PDZRN4: variants seen among roughly 807,000 people sequenced by gnomAD.
The protein encoded by PDZRN4 is PDZ domain containing ring finger 4, also known as PDZ domain-containing RING finger protein 4.
Under a neutral mutation model 99.0 loss-of-function variants are expected in PDZRN4, and 70 were observed. The observed-to-expected ratio is 0.71, with a 90% confidence interval of 0.58 to 0.86. PDZRN4 has a LOEUF of 0.86. Among genes scored for constraint, PDZRN4 ranks in the 40% least tolerant of loss-of-function variants. PDZRN4 has a pLI of 0.00. For missense variants in PDZRN4, 1,474 were observed against 1,331.2 expected (o/e 1.11, Z -1.67); for synonymous variants, 551 against 501.6 (o/e 1.10, Z -1.32).
intron 3 of PDZRN4, among the ~76,000 whole-genome samples, chr12:41,455,043 G>T (rs913093228): frequency 2.0e-5 from 3 of 152,128 alleles, no homozygotes; most frequent in Non-Finnish European, 2.9e-5. Flanking sequence ...ACAGTGCAGG[G>T]TCTAGAAATT....
At chr12:41,289,545 G>A (rs1951443246) in intron 3 of PDZRN4, among the ~76,000 whole-genome samples, 1 of 152,172 alleles carries the variant, frequency 6.6e-6, no homozygotes, top group South Asian at 2.1e-4. Flanking sequence ...CATGAAGATG[G>A]TCAATTTCTA....
At chr12:41,547,443 T>C (rs1372524912) in intron 5 of PDZRN4, among the ~76,000 whole-genome samples, 1 of 152,010 alleles carries the variant, frequency 6.6e-6, no homozygotes, top group Admixed American at 6.5e-5. Context: ...CTGGCCAACA[T>C]GGTGAAACCC....
intron 4 of PDZRN4, among the ~76,000 whole-genome samples, chr12:41,507,661 A>G (rs879257482): frequency 6.6e-5 from 10 of 152,152 alleles, no homozygotes; most frequent in African/African-American, 1.4e-4. Flanking sequence ...GAGAATTCTT[A>G]GAGTAAGGCT....
rs920051697 is a variant in PDZRN4 at position 41,573,990 on chromosome 12, G to T, written c.*100G>T. 7.3e-6 allele frequency: 6 copies of T among 817,812 alleles called. No individual in the cohort carries two copies. The highest frequency in any genetic ancestry group is 3.4e-5 in the African/African-American group (2 of 58,662). 50.7% of individuals were successfully genotyped at this position (817,812 alleles called of 1,614,324 possible). A position where few individuals can be genotyped will look rare whatever the true frequency, so the allele number is the denominator to read the frequency against. ...AATGTGGCGTTTTTATATATATTTT[G>T]TGACTCTTTATAGTTTAAATTTTTT... On this transcript the variant is annotated 3_prime_UTR_variant, in exon 10 of 10. Transcript: ENST00000402685.
At chr12:41,452,909 G>A (rs2608702) in intron 3 of PDZRN4, among the ~76,000 whole-genome samples, 81,169 of 151,932 alleles carry the variant, frequency 0.53, 22,398 homozygotes, top group African/African-American at 0.69. Flanking sequence ...AGAGATTTGC[G>A]TGTGAGAAGC....
intron 3 of PDZRN4, among the ~76,000 whole-genome samples, chr12:41,253,340 T>A (rs1951183572): frequency 6.6e-6 from 1 of 152,256 alleles, no homozygotes. Flanking sequence ...TGATTTGATT[T>A]TTATGAATGG....
At chr12:41,360,915 T>C (rs151052690) in intron 3 of PDZRN4, among the ~76,000 whole-genome samples, 109 of 151,322 alleles carry the variant, frequency 7.2e-4, no homozygotes, top group African/African-American at 2.4e-3. Context: ...AAAAAACCTA[T>C]TTATCATTCC....
intron 3 of PDZRN4, among the ~76,000 whole-genome samples, chr12:41,486,855 G>A (rs1327037988): frequency 6.6e-6 from 1 of 151,990 alleles, no homozygotes; most frequent in Non-Finnish European, 1.5e-5. Flanking sequence ...TCCTCCCTGG[G>A]GTACACAAAT....
intron 3 of PDZRN4, among the ~76,000 whole-genome samples, chr12:41,313,787 A>G (rs180922135): frequency 6.6e-6 from 1 of 152,314 alleles, no homozygotes; most frequent in African/African-American, 2.4e-5. Flanking sequence ...TTTTATTGCC[A>G]GGTACAAAGT....
rs75827239 is a variant in PDZRN4, at chr12:41,437,167, T to A, written c.844-69289T>A. 9.0e-3 allele frequency among the ~76,000 whole-genome samples: 1,372 copies of A among 152,304 alleles called. 26 individuals are homozygous for A. The highest frequency in any genetic ancestry group is 0.031 in the African/African-American group (1,309 of 41,560). On this transcript the variant is annotated intron_variant, in intron 3 of 9. Transcript: ENST00000402685. ...CTTAGTAAGTAATGGTCTTTACATA[T>A]GAACTATTCAGTTATTTTTGTAGTA...
intron 3 of PDZRN4, among the ~76,000 whole-genome samples, chr12:41,246,628 A>G (rs1473362878): frequency 2.0e-5 from 3 of 152,156 alleles, no homozygotes; most frequent in African/African-American, 7.2e-5. Context: ...GGTGAGATCA[A>G]CTGCAGGGGC....
intron 3 of PDZRN4, among the ~76,000 whole-genome samples, chr12:41,291,136 C>T (rs746421014): frequency 4.9e-4 from 75 of 151,960 alleles, no homozygotes; most frequent in Non-Finnish European, 9.6e-4. Flanking sequence ...ATTATATGTA[C>T]TTTTTGCACA....
At chr12:41,341,985 C>T (rs773653252) in intron 3 of PDZRN4, among the ~76,000 whole-genome samples, 12 of 151,888 alleles carry the variant, frequency 7.9e-5, no homozygotes, top group Non-Finnish European at 1.5e-4. Flanking sequence ...CAGCATGGTA[C>T]TGTCATAAAA....
intron 5 of PDZRN4, among the ~76,000 whole-genome samples, chr12:41,521,718 AT>A (rs1322147486): frequency 6.6e-6 from 1 of 151,984 alleles, no homozygotes; most frequent in African/African-American, 2.4e-5. Context: ...TTAAGAAATG[AT>A]TTTTTTATTA....
At chr12:41,489,158 CTT>C (rs1203855117) in intron 3 of PDZRN4, among the ~76,000 whole-genome samples, 1 of 152,128 alleles carries the variant, frequency 6.6e-6, no homozygotes, top group East Asian at 1.9e-4. Flanking sequence ...GACAATTCTT[CTT>C]CTCCCAATGT....
chr12:41,287,069 T>C (rs1256468675), intron 3 of PDZRN4, among the ~76,000 whole-genome samples: 1 of 152,172 alleles, frequency 6.6e-6, no homozygotes, highest in East Asian at 1.9e-4. Flanking sequence ...GCAACATCTT[T>C]TGATGTAGTG....
At chr12:41,268,155 T>C (rs961190330) in intron 3 of PDZRN4, among the ~76,000 whole-genome samples, 7 of 152,160 alleles carry the variant, frequency 4.6e-5, no homozygotes, top group Admixed American at 3.9e-4. Flanking sequence ...GTTGTACAAG[T>C]CACATACCAG....
chr12:41,229,622 C>T (rs1192090883), intron 3 of PDZRN4, among the ~76,000 whole-genome samples: 3 of 152,064 alleles, frequency 2.0e-5, no homozygotes, highest in Non-Finnish European at 4.4e-5. Context: ...TTGAGTTTCA[C>T]ATTATTCTTT....
chr12:41,238,688 C>G (rs1282565849), intron 3 of PDZRN4, among the ~76,000 whole-genome samples: 1 of 144,054 alleles, frequency 6.9e-6, no homozygotes, highest in Non-Finnish European at 1.5e-5. Context: ...CCATCTCATA[C>G]CAGTCAGAAT....
Sources: gnomAD v4.1 joint callset for allele counts (sites outside exome capture counted in the v4.1 genomes callset) on GRCh38, gnomAD v4.1.1 for gene constraint, MANE v1.5 for transcripts, NCBI Gene and HGNC (gene_info 2026-07-23, HGNC 2026-07-21) for gene names.